The following FUT5 variants were observed in gnomAD, a reference collection of about 807,000 sequenced individuals.
FUT5 encodes fucosyltransferase 5.
In FUT5, 1 loss-of-function variant was observed where a neutral mutation model predicts 0.8. That is an observed-to-expected ratio of 1.26 (90% CI 0.45 to 5.99). FUT5 has a LOEUF of 5.99. Ranked by LOEUF, FUT5 falls within the 30% of genes most tolerant of loss-of-function variation. The probability of loss-of-function intolerance (pLI) is 0.15; values close to 1 mark genes in which losing one functional copy is unlikely to be tolerated. For missense variants in FUT5, 437 were observed against 517.8 expected (o/e 0.84, Z 1.51); for synonymous variants, 212 against 225.7 (o/e 0.94, Z 0.54).
Position 5,866,500 on chromosome 19 carries a change from G to C in FUT5, c.*101C>G. On this transcript the variant is annotated 3_prime_UTR_variant, in exon 2 of 2. Coordinates refer to ENST00000588525, the MANE Select transcript of FUT5 (RefSeq NM_002034.2). This position sits in a 1 kb window ranked among gnomAD's most constrained non-coding sequence, Gnocchi z 4.9. ...CCCCAGGCAGCCGAGGCCCCAGGCA[G>C]CCGAGGCCCCAGGTAGGTAAATCCC... is the stretch of plus-strand genomic sequence containing the variant. 1 of 1,589,908 alleles carries C rather than the reference G, an allele frequency of 6.3e-7. No individual in the cohort carries two copies. The highest frequency in any genetic ancestry group is 8.6e-7 in the Non-Finnish European group (1 of 1,163,246).
intron 1 of FUT5, among the ~76,000 whole-genome samples, chr19:5,868,452 CT>C (rs943208479): frequency 7.9e-5 from 12 of 152,156 alleles, no homozygotes; most frequent in Admixed American, 2.0e-4. Context: ...CCGAACCATG[CT>C]TTGTGATGGG....
chr19:5,866,484 G>GCCGAGGCCCCAGGCAT lies in FUT5; in HGVS notation c.*116_*117insATGCCTGGGGCCTCGG. ...CCCCAGGCAGGTGAGACCCCAGGCA[G>GCCGAGGCCCCAGGCAT]CCGAGGCCCCAGGCAGCCGAGGCCC... On this transcript the variant is annotated 3_prime_UTR_variant, in exon 2 of 2. Coordinates refer to ENST00000588525, the MANE Select transcript of FUT5 (RefSeq NM_002034.2). This position sits in a 1 kb window ranked among gnomAD's most constrained non-coding sequence, Gnocchi z 4.9. The GCCGAGGCCCCAGGCAT allele has an allele frequency of 8.9e-7, 1 of 1,117,352 alleles. No individual in the cohort carries two copies. Among genetic ancestry groups the GCCGAGGCCCCAGGCAT allele is most frequent in the Non-Finnish European group, 1.2e-6 (1 of 813,154 alleles). The allele number at this position is 1,117,352 out of a possible 1,614,324, so 69.2% of individuals were successfully genotyped here. A position where few individuals can be genotyped will look rare whatever the true frequency, so the allele number is the denominator to read the frequency against.
At position 5,866,587 on chromosome 19, in the gene FUT5, C is replaced by A. The variant is rs201093757; in HGVS notation, c.*14G>T. ...AAAGTGAGGTCCCGGCAGCCCAGGC[C>A]CCATGCCGGCCTCTCAGGTGAACCA... On this transcript the variant is annotated 3_prime_UTR_variant, in exon 2 of 2. Coordinates refer to ENST00000588525, the MANE Select transcript of FUT5 (RefSeq NM_002034.2). The surrounding 1 kb of genome is among the most constrained non-coding windows in gnomAD (Gnocchi z 4.9). The A allele has an allele frequency of 1.4e-4, 224 of 1,613,128 alleles. No homozygotes were observed. Among genetic ancestry groups the A allele is most frequent in the African/African-American group, 1.3e-3 (99 of 75,036 alleles).
chr19:5,866,463 A>G lies in FUT5; in HGVS notation c.*138T>C. ...CAAAGACTCCAGCAGGTGAGGCCCC[A>G]GGCAGGTGAGACCCCAGGCAGCCGA... On this transcript the variant is annotated 3_prime_UTR_variant, in exon 2 of 2. Coordinates refer to ENST00000588525, the MANE Select transcript of FUT5 (RefSeq NM_002034.2). The surrounding 1 kb of genome is among the most constrained non-coding windows in gnomAD (Gnocchi z 4.9). 7.3e-7 allele frequency: 1 copy of G among 1,365,008 alleles called. No individual in the cohort carries two copies. Among genetic ancestry groups the G allele is most frequent in the Non-Finnish European group, 1.0e-6 (1 of 968,854 alleles). The allele number at this position is 1,365,008 out of a possible 1,614,324, so 84.6% of individuals were successfully genotyped here. A position where few individuals can be genotyped will look rare whatever the true frequency, so the allele number is the denominator to read the frequency against.
In FUT5 at chr19:5,866,971, G is replaced by A; in HGVS notation, c.755C>T (p.Ser252Phe). ...GAAGGCCAGATAGAACTTGTACCGG[G>A]ACAGCGTCTCCATCATGGTCCCCTT... Reference protein sequence around the residue: ...LPKGTMMETLSRYKFYLAFEN... With the variant: ...LPKGTMMETLFRYKFYLAFEN... The change falls in exon 2 of 2, where the codon TCC becomes TTC. Residue 252 changes from serine (S) to phenylalanine (F), a missense_variant. Physicochemically the swap from Ser to Phe is radical, Grantham distance 155. Coordinates refer to ENST00000588525, the MANE Select transcript of FUT5 (RefSeq NM_002034.2). The surrounding 1 kb of genome is among the most constrained non-coding windows in gnomAD (Gnocchi z 4.9). 5 of 1,613,668 alleles carry A rather than the reference G, an allele frequency of 3.1e-6. No homozygotes were observed. Among genetic ancestry groups the A allele is most frequent in the Non-Finnish European group, 4.2e-6 (5 of 1,179,820 alleles).
chr19:5,866,928 G>C lies in FUT5; in HGVS notation c.798C>G (p.Pro266=), dbSNP rs376720049. The change falls in exon 2 of 2, where the codon CCC becomes CCG. Residue 266 remains proline, a synonymous_variant. Transcript: ENST00000588525. This position sits in a 1 kb window ranked among gnomAD's most constrained non-coding sequence, Gnocchi z 4.9. ...TCCACAGCTTCTCGGTGATGTAGTC[G>C]GGGTGCAAGGAGTTCTCGAAGGCCA... ...FYLAFENSLH[P]DYITEKLWRN... 1.9e-6 allele frequency: 3 copies of C among 1,613,104 alleles called. No individual in the cohort carries two copies. Among genetic ancestry groups the C allele is most frequent in the Non-Finnish European group, 2.5e-6 (3 of 1,179,730 alleles).
At chr19:5,868,027 T>C (rs933172832) in intron 1 of FUT5, among the ~76,000 whole-genome samples, 1 of 152,032 alleles carries the variant, frequency 6.6e-6, no homozygotes, top group African/African-American at 2.4e-5. Context: ...ACCTGAGCAG[T>C]TTGCAGACAA....
chr19:5,866,490 GC>G lies in FUT5; in HGVS notation c.*110del, dbSNP rs770619472. On this transcript the variant is annotated 3_prime_UTR_variant, in exon 2 of 2. Transcript: ENST00000588525. This position sits in a 1 kb window ranked among gnomAD's most constrained non-coding sequence, Gnocchi z 4.9. ...GCAGGTGAGACCCCAGGCAGCCGAGGCCCCAGGCAGCCGAGGCCCCAGGTAG... is the reference window on the plus strand; with the variant it reads ...GCAGGTGAGACCCCAGGCAGCCGAGGCCCAGGCAGCCGAGGCCCCAGGTAG... 7.1e-6 allele frequency: 8 copies of G among 1,122,878 alleles called. No individual in the cohort carries two copies. Among genetic ancestry groups the G allele is most frequent in the Non-Finnish European group, 8.6e-6 (7 of 817,492 alleles). The allele number at this position is 1,122,878 out of a possible 1,614,324, so 69.6% of individuals were successfully genotyped here.
intron 1 of FUT5, among the ~76,000 whole-genome samples, chr19:5,869,609 A>G (rs2057516769): frequency 6.6e-6 from 1 of 152,044 alleles, no homozygotes; most frequent in Non-Finnish European, 1.5e-5. Flanking sequence ...AAACCATGTC[A>G]CCATTGCTAC....
rs767146265 is a variant in FUT5 at position 5,866,615 on chromosome 19, C to A, written c.1111G>T (p.Ala371Ser). 6.2e-7 allele frequency: 1 copy of A among 1,613,286 alleles called. No individual in the cohort carries two copies. The highest frequency in any genetic ancestry group is 1.1e-5 in the South Asian group (1 of 91,062). ...ATGCCGGCCTCTCAGGTGAACCAAGCCGCTATGCTGCGCACCGTCTGGTAC... is the reference window on the plus strand; with the variant it reads ...ATGCCGGCCTCTCAGGTGAACCAAGACGCTATGCTGCGCACCGTCTGGTAC... ...SRYQTVRSIA[A>S]WFT is the part of the protein sequence containing the mutation. Residue 371 changes from alanine to serine, a missense_variant, in exon 2 of 2, where the codon GCT (alanine) becomes TCT (serine). Ala to Ser is a moderately conservative substitution (Grantham distance 99, BLOSUM62 1). Around this residue, in one of 2 missense-constraint regions of FUT5, gnomAD observed 176 missense variants for 275.2 expected, o/e 0.64. Coordinates refer to ENST00000588525, the MANE Select transcript of FUT5 (RefSeq NM_002034.2). The surrounding 1 kb of genome is among the most constrained non-coding windows in gnomAD (Gnocchi z 4.9).
chr19:5,867,116 C>T lies in FUT5; in HGVS notation c.610G>A (p.Glu204Lys), dbSNP rs142429483. The T allele has an allele frequency of 2.5e-5, 40 of 1,613,080 alleles. No homozygotes were observed. Among genetic ancestry groups the T allele is most frequent in the Non-Finnish European group, 3.1e-5 (36 of 1,179,952 alleles). ...TTGGACACCGCCCAGGCCACCAGCT[C>T]GGTCTTGGCCGAGAGGTTGAGCGGT... ...HPPLNLSAKT[E>K]LVAWAVSNWK... Residue 204 changes from glutamate to lysine, a missense_variant, in exon 2 of 2, where the codon GAG (glutamate) becomes AAG (lysine). By Grantham distance (56) the Glu-to-Lys change is moderately conservative. Around this residue, in one of 2 missense-constraint regions of FUT5, gnomAD observed 176 missense variants for 275.2 expected, o/e 0.64. Coordinates refer to ENST00000588525, the MANE Select transcript of FUT5 (RefSeq NM_002034.2). The surrounding 1 kb of genome is among the most constrained non-coding windows in gnomAD (Gnocchi z 5.0).
Position 5,867,302 on chromosome 19 carries a change from C to T in FUT5, c.424G>A (p.Gly142Arg), listed in dbSNP as rs2057508069. ...ATGCTGAACCAGATCCAGCGCTGCC[C>T]CTGCGGCCTGGTGGGGGGCGGGAGG... ...ANLPPPTRPQ[G>R]QRWIWFSMES... The change falls in exon 2 of 2, where the codon GGG becomes AGG. Residue 142 changes from glycine (G) to arginine (R), a missense_variant. This residue lies in a region of FUT5 where 261 missense variants were observed against 242.6 expected (regional missense o/e 1.08). Coordinates refer to ENST00000588525, the MANE Select transcript of FUT5 (RefSeq NM_002034.2). This position sits in a 1 kb window ranked among gnomAD's most constrained non-coding sequence, Gnocchi z 5.0. The T allele has an allele frequency of 1.2e-6, 2 of 1,613,560 alleles. No homozygotes were observed. Among genetic ancestry groups the T allele is most frequent in the South Asian group, 1.1e-5 (1 of 91,082 alleles).
At position 5,866,916 on chromosome 19, in the gene FUT5, G is replaced by C. The variant is rs770388340; in HGVS notation, c.810C>G (p.Thr270=). Residue 270 remains threonine (T), a synonymous_variant, in exon 2 of 2, where the codon ACC becomes ACG. Transcript: ENST00000588525. The surrounding 1 kb of genome is among the most constrained non-coding windows in gnomAD (Gnocchi z 4.9). ...CCAGGGCGTTCCTCCACAGCTTCTC[G>C]GTGATGTAGTCGGGGTGCAAGGAGT... The part of the protein sequence containing the change: ...FENSLHPDYI[T]EKLWRNALEA... The C allele has an allele frequency of 2.5e-6, 4 of 1,613,054 alleles. No individual in the cohort carries two copies. The South Asian group carries it at 3.3e-5, about 13-fold the overall frequency.
intron 1 of FUT5, among the ~76,000 whole-genome samples, chr19:5,869,215 G>C (rs1040000187): frequency 1.3e-5 from 2 of 148,958 alleles, no homozygotes; most frequent in African/African-American, 5.0e-5. Context: ...ATCTGACCTC[G>C]TGATCCGCCT....
rs765662513 is a variant in FUT5 at position 5,867,228 on chromosome 19, G to C, written c.498C>G (p.Phe166Leu). 1.9e-6 allele frequency: 3 copies of C among 1,613,262 alleles called. No individual in the cohort carries two copies. The East Asian group carries it at 6.7e-5, about 36-fold the overall frequency. The change falls in exon 2 of 2, where the codon TTC becomes TTG. Residue 166 changes from phenylalanine to leucine, a missense_variant. Transcript: ENST00000588525. This position sits in a 1 kb window ranked among gnomAD's most constrained non-coding sequence, Gnocchi z 5.0. ...CRHLEALDGY[F>L]NLTMSYRSDS... ...CGCTGCGGTAGGACATGGTGAGATT[G>C]AAGTATCCGTCCAGGGCTTCCAGGT...
chr19:5,867,259 C>T lies in FUT5; in HGVS notation c.467G>A (p.Cys156Tyr). Residue 156 changes from cysteine to tyrosine, a missense_variant, in exon 2 of 2, where the codon TGC becomes TAC. By Grantham distance (194) the Cys-to-Tyr change is radical (BLOSUM62 -2). Transcript: ENST00000588525. This position sits in a 1 kb window ranked among gnomAD's most constrained non-coding sequence, Gnocchi z 5.0. ...IWFSMESPSN[C>Y]RHLEALDGYF... Reference sequence around the variant, plus strand: ...TCCGTCCAGGGCTTCCAGGTGCCGGCAGTTGCTGGGGGACTCCATGCTGAA... The same window carrying T: ...TCCGTCCAGGGCTTCCAGGTGCCGGTAGTTGCTGGGGGACTCCATGCTGAA... The T allele has an allele frequency of 6.2e-7, 1 of 1,613,420 alleles. No individual in the cohort carries two copies.
chr19:5,870,359 A>G (rs2057518898), intron 1 of FUT5, 106 bp downstream of exon 1: 1 of 152,174 alleles, frequency 6.6e-6, no homozygotes, highest in Non-Finnish European at 1.5e-5. Context: ...AAAGGACGCA[A>G]ACAGATACTT....
chr19:5,868,019 C>T (rs567376682), intron 1 of FUT5, among the ~76,000 whole-genome samples: 2 of 152,290 alleles, frequency 1.3e-5, no homozygotes, highest in African/African-American at 2.4e-5. Flanking sequence ...GGTGAGACAC[C>T]TGAGCAGTTT....
Position 5,866,018 on chromosome 19 carries a change from A to C in FUT5, c.*583T>G. 5.6e-6 allele frequency: 1 copy of C among 179,582 alleles called. No homozygotes were observed. The highest frequency in any genetic ancestry group is 1.2e-5 in the Non-Finnish European group (1 of 84,034). 11.1% of individuals were successfully genotyped at this position (179,582 alleles called of 1,614,324 possible). A position where few individuals can be genotyped will look rare whatever the true frequency, so the allele number is the denominator to read the frequency against. On this transcript the variant is annotated 3_prime_UTR_variant, in exon 2 of 2. Coordinates refer to ENST00000588525, the MANE Select transcript of FUT5 (RefSeq NM_002034.2). This position sits in a 1 kb window ranked among gnomAD's most constrained non-coding sequence, Gnocchi z 4.9. ...GCACTATCAGAGTCACGCCGAGGTC[A>C]CACCCATAGTGATGCATTTGTGACA...
Sources: gnomAD v4.1 joint callset for allele counts (sites outside exome capture counted in the v4.1 genomes callset) on GRCh38, gnomAD v4.1.1 for gene constraint, gnomAD v4.1.1 regional missense constraint, Gnocchi (gnomAD v3.1) non-coding constraint, MANE v1.5 for transcripts, NCBI Gene and HGNC (gene_info 2026-07-23, HGNC 2026-07-21) for gene names.